Variants in PLCE1 observed in about 807,000 individuals in gnomAD.
PLCE1 encodes the protein phospholipase C epsilon 1.
PLCE1 carries 119 observed loss-of-function variants against 242.8 expected under a neutral mutation model. That is an observed-to-expected ratio of 0.49 (90% CI 0.42 to 0.57). The LOEUF is 0.57. PLCE1 is among the 20% of genes least tolerant of loss of function. PLCE1 has a pLI of 0.00. For missense variants in PLCE1, 2,441 were observed against 2,788.8 expected (o/e 0.88, Z 2.81); for synonymous variants, 945 against 1,017.4 (o/e 0.93, Z 1.35).
intron 19 of PLCE1, among the ~76,000 whole-genome samples, chr10:94,277,907 G>A (rs1035712391): frequency 1.1e-4 from 16 of 152,156 alleles, no homozygotes; most frequent in Non-Finnish European, 2.4e-4. Flanking sequence ...AATGTGTTCA[G>A]GTTTGGTTAA....
rs1459161834 is a variant in PLCE1 at position 94,231,935 on chromosome 10, ACTGGTCTGCGGCCCAGGGGTGGGGACCC to A, written c.1956-2111_1956-2084del. On this transcript the variant is annotated intron_variant, in intron 5 of 32. Transcript: ENST00000371380. ...AGTTCCTAACAGGCCATGAGCCAGT[ACTGGTCTGCGGCCCAGGGGTGGGGACCC>A]CTGGTCTAAGACTATCTACCATGTG... Among the ~76,000 whole-genome samples, 3 of 152,346 alleles carry A rather than the reference ACTGGTCTGCGGCCCAGGGGTGGGGACCC, an allele frequency of 2.0e-5. No homozygotes were observed. The East Asian group carries it at 5.8e-4, about 29-fold the overall frequency.
At chr10:94,260,144 A>C (rs2051246484) in intron 13 of PLCE1, among the ~76,000 whole-genome samples, 1 of 152,188 alleles carries the variant, frequency 6.6e-6, no homozygotes, top group Non-Finnish European at 1.5e-5. Flanking sequence ...TGTGTGTCAC[A>C]GTGGAGAACC....
At chr10:94,263,268 C>T (rs576322228) in intron 14 of PLCE1, among the ~76,000 whole-genome samples, 1 of 152,016 alleles carries the variant, frequency 6.6e-6, no homozygotes, top group Admixed American at 6.5e-5. Flanking sequence ...AATCCCAGCA[C>T]TCTGGGAGGC....
At chr10:94,194,183 G>A (rs1382374268) in intron 4 of PLCE1, among the ~76,000 whole-genome samples, 1 of 152,158 alleles carries the variant, frequency 6.6e-6, no homozygotes, top group African/African-American at 2.4e-5. Flanking sequence ...GAGAGAACCA[G>A]ATATCCTGCT....
chr10:94,308,455 G>A (rs2053277613), intron 26 of PLCE1, 126 bp from the exon 27 acceptor site: 5 of 778,788 alleles, frequency 6.4e-6, no homozygotes, highest in Non-Finnish European at 9.3e-6. Context: ...ACGCCTGTTG[G>A]TTGCATGCCT....
intron 2 of PLCE1, among the ~76,000 whole-genome samples, chr10:94,051,467 G>T (rs1322158803): frequency 6.6e-6 from 1 of 151,976 alleles, no homozygotes. Flanking sequence ...AAAAGAAACT[G>T]ATCCATCTAA....
chr10:94,165,080 G>A (rs1019052168), intron 3 of PLCE1, among the ~76,000 whole-genome samples: 1 of 152,248 alleles, frequency 6.6e-6, no homozygotes, highest in Non-Finnish European at 1.5e-5. Context: ...CTACTCGGGG[G>A]TCAGGGACCC....
intron 3 of PLCE1, among the ~76,000 whole-genome samples, chr10:94,156,717 C>G (rs1250920460): frequency 1.3e-5 from 2 of 152,258 alleles, no homozygotes; most frequent in Admixed American, 1.3e-4. Context: ...GGGGCTTAAA[C>G]TTCCAAGCTT....
intron 2 of PLCE1, among the ~76,000 whole-genome samples, chr10:94,121,920 C>A (rs1449864961): frequency 6.6e-6 from 1 of 152,140 alleles, no homozygotes; most frequent in Non-Finnish European, 1.5e-5. Context: ...AGATAGAGGC[C>A]ACACTGGACA....
intron 2 of PLCE1, among the ~76,000 whole-genome samples, chr10:94,129,927 G>T (rs947868138): frequency 7.9e-5 from 12 of 152,208 alleles, no homozygotes; most frequent in Non-Finnish European, 1.2e-4. Context: ...TATTTCCTAT[G>T]CTTACTCCCT....
chr10:94,280,159 G>A (rs1032000958), intron 20 of PLCE1: 9 of 530,722 alleles, frequency 1.7e-5, no homozygotes, highest in South Asian at 6.2e-5. Flanking sequence ...CAAGTTTCTA[G>A]AGGAAGAGAT....
Position 94,293,775 on chromosome 10 carries a change from T to C in PLCE1, c.5167+136T>C. On this transcript the variant is annotated intron_variant, in intron 23 of 32. Transcript: ENST00000371380. The stretch of plus-strand genomic sequence containing the variant: ...TAATATTGTCTGAGTATAGTATAAA[T>C]TTTTGTAATTGCTAACTTACACTTT... 2.9e-6 allele frequency: 3 copies of C among 1,032,486 alleles called. No homozygotes were observed. In the South Asian group the frequency reaches 4.3e-5, roughly 15 times the overall value. 64.0% of individuals were successfully genotyped at this position (1,032,486 alleles called of 1,614,324 possible). A position where few individuals can be genotyped will look rare whatever the true frequency, so the allele number is the denominator to read the frequency against.
chr10:94,079,351 GA>G (rs2044592038), intron 2 of PLCE1, among the ~76,000 whole-genome samples: 1 of 152,098 alleles, frequency 6.6e-6, no homozygotes, highest in African/African-American at 2.4e-5. Context: ...TGAAATTAGG[GA>G]AAAGCATTGA....
chr10:94,068,454 C>CA (rs1277990738), intron 2 of PLCE1, among the ~76,000 whole-genome samples: 1 of 152,072 alleles, frequency 6.6e-6, no homozygotes, highest in Admixed American at 6.6e-5. Flanking sequence ...ATAAAATTTG[C>CA]ATTGTATTGG....
intron 4 of PLCE1, among the ~76,000 whole-genome samples, chr10:94,178,514 T>C (rs1418163382): frequency 6.6e-6 from 1 of 152,238 alleles, no homozygotes; most frequent in Non-Finnish European, 1.5e-5. Context: ...TGTTGCTTGT[T>C]CCTTCTGTCC....
Position 94,141,597 on chromosome 10 carries a change from GA to G in PLCE1, c.1492+9140del, listed in dbSNP as rs1224643124. ...AGGGAAGGTGAAGGGAAGGCTAAGG[GA>G]AGGCAAAGGGAAGGAGAAAGGAAGG... is the stretch of plus-strand genomic sequence containing the variant. On this transcript the variant is annotated intron_variant, in intron 3 of 32. Transcript: ENST00000371380. Among the ~76,000 whole-genome samples the G allele has an allele frequency of 7.5e-3, 131 of 17,474 alleles. 17 individuals are homozygous for G. Among genetic ancestry groups the G allele is most frequent in the African/African-American group, 0.034 (124 of 3,674 alleles). The allele number at this position is 17,474 out of a possible 152,430, so 11.5% of individuals were successfully genotyped here. A position where few individuals can be genotyped will look rare whatever the true frequency, so the allele number is the denominator to read the frequency against.
At chr10:94,096,794 A>G (rs1290536229) in intron 2 of PLCE1, 1 of 152,216 alleles carries the variant, frequency 6.6e-6, no homozygotes, top group African/African-American at 2.4e-5. Context: ...AATAAAGGGG[A>G]AAAATTCCTT....
chr10:94,170,182 G>A (rs189179171), intron 3 of PLCE1, among the ~76,000 whole-genome samples: 1 of 152,304 alleles, frequency 6.6e-6, no homozygotes, highest in East Asian at 1.9e-4. Context: ...CTGGATGACA[G>A]GTATTTCCAG....
At chr10:94,123,395 A>T (rs186480957) in intron 2 of PLCE1, among the ~76,000 whole-genome samples, 8 of 152,316 alleles carry the variant, frequency 5.3e-5, no homozygotes, top group Admixed American at 3.9e-4. Flanking sequence ...TGGTTTTAGC[A>T]AAGTCTTTAT....
Sources: gnomAD v4.1 joint callset for allele counts (sites outside exome capture counted in the v4.1 genomes callset) on GRCh38, gnomAD v4.1.1 for gene constraint, MANE v1.5 for transcripts, NCBI Gene and HGNC (gene_info 2026-07-23, HGNC 2026-07-21) for gene names.